Variants in NBEAL1 observed in about 807,000 individuals in gnomAD.
NBEAL1 encodes neurobeachin like 1, also known as neurobeachin-like protein 1.
A neutral mutation model predicts 351.3 loss-of-function variants in NBEAL1; 273 were observed. That is an observed-to-expected ratio of 0.78 (90% CI 0.70 to 0.86). NBEAL1 has a LOEUF of 0.86. NBEAL1 is among the 40% of genes least tolerant of loss of function. The probability of loss-of-function intolerance (pLI) is 0.00; values close to 1 mark genes in which losing one functional copy is unlikely to be tolerated. For missense variants in NBEAL1, 2,961 were observed against 3,201.3 expected, an observed-to-expected ratio of 0.92 and a Z score of 1.81; for synonymous variants, 1,050 against 1,086.4, an observed-to-expected ratio of 0.97 and a Z score of 0.66.
At chr2:203,177,886 G>A (rs142128354) in intron 42 of NBEAL1, among the ~76,000 whole-genome samples, 11 of 152,050 alleles carry the variant, frequency 7.2e-5, no homozygotes, top group Middle Eastern at 3.4e-3. Context: ...GGGCGTGGTC[G>A]TGGGTGCCTG....
chr2:203,151,418 T>A, intron 34 of NBEAL1, 47 bp from the exon 35 acceptor site: 1 of 1,373,270 alleles, frequency 7.3e-7, no homozygotes, highest in South Asian at 1.4e-5. Context: ...ACAATCTTTG[T>A]AACTTAAGCT....
intron 2 of NBEAL1, among the ~76,000 whole-genome samples, chr2:203,028,314 G>A (rs887480617): frequency 6.6e-6 from 1 of 151,824 alleles, no homozygotes; most frequent in African/African-American, 2.4e-5. Context: ...ACTGTGCCTG[G>A]CCTGACTTTT....
chr2:203,187,271 T>C (rs1469986541), intron 44 of NBEAL1, among the ~76,000 whole-genome samples: 1 of 150,762 alleles, frequency 6.6e-6, no homozygotes, highest in Non-Finnish European at 1.5e-5. Flanking sequence ...TTGCCCAGGC[T>C]GGTCTTGAAT....
chr2:203,104,587 TTAGC>T (rs1340465216), intron 12 of NBEAL1, among the ~76,000 whole-genome samples: 1 of 152,208 alleles, frequency 6.6e-6, no homozygotes, highest in Non-Finnish European at 1.5e-5. Flanking sequence ...TGCCATATTA[TTAGC>T]TAGTTATTAT....
intron 6 of NBEAL1, among the ~76,000 whole-genome samples, chr2:203,059,822 T>G (rs1028730663): frequency 2.0e-5 from 3 of 152,198 alleles, no homozygotes; most frequent in African/African-American, 7.2e-5. Flanking sequence ...AGTTCAAGGC[T>G]TCAGTTAGCT....
At position 203,107,418 on chromosome 2, in the gene NBEAL1, A is replaced by G; in HGVS notation, c.1270-2A>G. Reference sequence around the variant, plus strand: ...TTGATATATTGTCTTCCCATCCCCTAGGAAGTATTTAAAGAAAGAATTGGT... The same window carrying G: ...TTGATATATTGTCTTCCCATCCCCTGGGAAGTATTTAAAGAAAGAATTGGT... On this transcript the variant is annotated splice_acceptor_variant, in intron 12 of 55. Coordinates refer to ENST00000683969, the MANE Select transcript of NBEAL1 (RefSeq NM_001378026.1). LOFTEE classifies it high-confidence loss of function. 1 of 1,490,310 alleles carries G rather than the reference A, an allele frequency of 6.7e-7. No homozygotes were observed. Among genetic ancestry groups the G allele is most frequent in the Non-Finnish European group, 9.1e-7 (1 of 1,093,650 alleles). The allele number at this position is 1,490,310 out of a possible 1,614,324, so 92.3% of individuals were successfully genotyped here. A position where few individuals can be genotyped will look rare whatever the true frequency, so the allele number is the denominator to read the frequency against.
At chr2:203,110,926 C>A (rs2062558540) in intron 15 of NBEAL1, among the ~76,000 whole-genome samples, 1 of 151,694 alleles carries the variant, frequency 6.6e-6, no homozygotes, top group South Asian at 2.1e-4. Context: ...CCACCACACC[C>A]AGCTAATTTT....
intron 10 of NBEAL1, among the ~76,000 whole-genome samples, chr2:203,091,204 T>C (rs114524320): frequency 0.034 from 5,118 of 152,238 alleles, 284 homozygotes; most frequent in African/African-American, 0.12. Context: ...TTGACTACTC[T>C]AGATACCTCA....
chr2:203,126,963 A>G (rs1362860428), intron 23 of NBEAL1, 37 bp downstream of exon 23: 1 of 1,371,304 alleles, frequency 7.3e-7, no homozygotes, highest in Admixed American at 2.0e-5. Context: ...TTGATATATT[A>G]TTTTCTGTCT....
intron 18 of NBEAL1, among the ~76,000 whole-genome samples, chr2:203,116,285 G>A (rs944389904): frequency 1.4e-4 from 22 of 152,160 alleles, no homozygotes; most frequent in Admixed American, 1.2e-3. Context: ...TGTCATCCCT[G>A]TGGTACTAAT....
chr2:203,077,335 A>C (rs962188147), intron 7 of NBEAL1, among the ~76,000 whole-genome samples: 2 of 151,844 alleles, frequency 1.3e-5, no homozygotes, highest in African/African-American at 4.8e-5. Flanking sequence ...ACACCACTGC[A>C]CTCCAGCCTG....
At chr2:203,046,174 C>T (rs1161562169) in intron 3 of NBEAL1, among the ~76,000 whole-genome samples, 1 of 151,658 alleles carries the variant, frequency 6.6e-6, no homozygotes, top group African/African-American at 2.4e-5. Context: ...GATTACAGAA[C>T]TAGAAACTTT....
chr2:203,091,993 A>C (rs2062074032), intron 10 of NBEAL1, among the ~76,000 whole-genome samples: 1 of 152,168 alleles, frequency 6.6e-6, no homozygotes, highest in African/African-American at 2.4e-5. Flanking sequence ...ATGTACCATA[A>C]TTTACTTAAC....
rs756276886 is a variant in NBEAL1 at position 203,211,005 on chromosome 2, G to T, written c.7833G>T (p.Gly2611=). The part of the protein sequence containing the change: ...HLFSINGKYL[G]SQILKEQVSD... ...TTTCTATAAATGGCAAGTATCTAGG[G>T]TCTCAAATCCTGAAGGAACAAGTAT... Residue 2611 remains glycine (G), a synonymous_variant, in exon 54 of 56, where the codon GGG becomes GGT. Coordinates refer to ENST00000683969, the MANE Select transcript of NBEAL1 (RefSeq NM_001378026.1). 1 of 1,602,918 alleles carries T rather than the reference G, an allele frequency of 6.2e-7. No homozygotes were observed. Among genetic ancestry groups the T allele is most frequent in the Non-Finnish European group, 8.5e-7 (1 of 1,172,770 alleles).
intron 36 of NBEAL1, among the ~76,000 whole-genome samples, chr2:203,158,815 GTTTTTT>G (rs71034220): frequency 4.7e-5 from 4 of 84,372 alleles, no homozygotes; most frequent in Non-Finnish European, 8.5e-5. Context: ...TTTCTGTAGG[GTTTTTT>G]TTTTTTTTTT....
At chr2:203,052,981 G>A (rs1255754497) in intron 4 of NBEAL1, among the ~76,000 whole-genome samples, 1 of 152,012 alleles carries the variant, frequency 6.6e-6, no homozygotes, top group African/African-American at 2.4e-5. Context: ...TCATTCCCCT[G>A]TTGCAGGACA....
In NBEAL1 at chr2:203,036,228, C is replaced by T. The variant is rs16839476; in HGVS notation, c.52-5537C>T. Among the ~76,000 whole-genome samples, 160 of 149,356 alleles carry T rather than the reference C, an allele frequency of 1.1e-3. 1 individual carries two copies. In the East Asian group the frequency reaches 0.027, roughly 25 times the overall value. On this transcript the variant is annotated intron_variant, in intron 2 of 55. Transcript: ENST00000683969. ...GCTTGAGATTTAATTAATATTGTTTCTATGTGTGAGGATCTTTCTTTTTAT... is the reference window on the plus strand; with the variant it reads ...GCTTGAGATTTAATTAATATTGTTTTTATGTGTGAGGATCTTTCTTTTTAT...
intron 44 of NBEAL1, among the ~76,000 whole-genome samples, chr2:203,186,858 T>C (rs140723668): frequency 7.5e-4 from 115 of 152,332 alleles, no homozygotes; most frequent in Middle Eastern, 3.4e-3. Flanking sequence ...TTGGGCTGGA[T>C]GGGTGGCTAC....
At chr2:203,040,575 A>G (rs753922525) in intron 2 of NBEAL1, 3 of 672,110 alleles carry the variant, frequency 4.5e-6, no homozygotes, top group African/African-American at 1.8e-5. Context: ...GGAAACATGA[A>G]CAAGCCAAGG....
Sources: allele counts gnomAD v4.1 joint callset (sites outside exome capture counted in the v4.1 genomes callset), GRCh38; gene constraint gnomAD v4.1.1; transcripts MANE v1.5; gene names NCBI Gene and HGNC (gene_info 2026-07-23, HGNC 2026-07-21).